Variants in TMEM123 observed in about 807,000 individuals in gnomAD.
TMEM123 encodes the protein transmembrane protein 123, also known as porimin.
TMEM123 carries 16 observed loss-of-function variants against 19.7 expected under a neutral mutation model. That is an observed-to-expected ratio of 0.81 (90% CI 0.55 to 1.23). TMEM123 has a LOEUF of 1.23. TMEM123 is among the 50% of genes most tolerant of loss of function. The probability of loss-of-function intolerance (pLI) is 0.00; values close to 1 mark genes in which losing one functional copy is unlikely to be tolerated. For synonymous variants in TMEM123, 118 were observed against 99.4 expected (o/e 1.19, Z -1.12); for missense variants, 313 against 257.8 (o/e 1.21, Z -1.47).
At chr11:102,443,097 A>AT (rs1290501205) in intron 2 of TMEM123, among the ~76,000 whole-genome samples, 1 of 152,054 alleles carries the variant, frequency 6.6e-6, no homozygotes, top group African/African-American at 2.4e-5. Flanking sequence ...GGAAGAATCA[A>AT]TATCGTGAAA....
intron 2 of TMEM123, among the ~76,000 whole-genome samples, chr11:102,420,492 A>C (rs1447962045): frequency 6.6e-6 from 1 of 152,174 alleles, no homozygotes; most frequent in Non-Finnish European, 1.5e-5. Flanking sequence ...TGTAATTTTC[A>C]TAACCCTAGG....
In TMEM123 at chr11:102,411,684, GA is replaced by G. The variant is rs796687491; in HGVS notation, c.158-9479del. On this transcript the variant is annotated intron_variant, in intron 2 of 4. Transcript: ENST00000398136. ...GATGTCTGAGAACTGGCAGAGGTGG[GA>G]AAAAAAAAAAACACACATCTGGTGT... Among the ~76,000 whole-genome samples, 383 of 142,500 alleles carry G rather than the reference GA, an allele frequency of 2.7e-3. 1 individual carries two copies. The highest frequency in any genetic ancestry group is 7.6e-3 in the African/African-American group (293 of 38,796). 93.5% of individuals were successfully genotyped at this position (142,500 alleles called of 152,430 possible).
At chr11:102,452,264 C>T (rs1380093773) in intron 1 of TMEM123, 2 of 371,138 alleles carry the variant, frequency 5.4e-6, no homozygotes, top group Admixed American at 9.1e-5. Flanking sequence ...TTATGCGCAC[C>T]CGTCCCGGCC....
rs1952113559 is a variant in TMEM123, at chr11:102,424,886, G to A, written c.158-22680C>T. Among the ~76,000 whole-genome samples, 3 of 152,168 alleles carry A rather than the reference G, an allele frequency of 2.0e-5. No homozygotes were observed. The South Asian group carries it at 6.2e-4, about 32-fold the overall frequency. On this transcript the variant is annotated intron_variant, in intron 2 of 4. Coordinates refer to ENST00000398136, the MANE Select transcript of TMEM123 (RefSeq NM_052932.3). ...TGTTCCCTCCAGAACACCCAATGCTGTACTGATTGCATGCTCACTGAGCAA... is the reference window on the plus strand; with the variant it reads ...TGTTCCCTCCAGAACACCCAATGCTATACTGATTGCATGCTCACTGAGCAA...
At chr11:102,424,525 A>G (rs1952110628) in intron 2 of TMEM123, among the ~76,000 whole-genome samples, 2 of 151,958 alleles carry the variant, frequency 1.3e-5, no homozygotes, top group South Asian at 4.1e-4. Flanking sequence ...CACATCTACT[A>G]AAAAATACAA....
chr11:102,421,703 A>G (rs1053046313), intron 2 of TMEM123, among the ~76,000 whole-genome samples: 1 of 152,214 alleles, frequency 6.6e-6, no homozygotes, highest in Non-Finnish European at 1.5e-5. Context: ...GCCAGTTACT[A>G]AAAACACATA....
intron 2 of TMEM123, among the ~76,000 whole-genome samples, chr11:102,405,197 C>T (rs1488282271): frequency 1.3e-5 from 2 of 151,856 alleles, no homozygotes; most frequent in African/African-American, 2.4e-5. Context: ...TACAGGCGCC[C>T]ACCACCACGC....
intron 2 of TMEM123, among the ~76,000 whole-genome samples, chr11:102,408,787 T>A (rs923249883): frequency 3.9e-5 from 6 of 152,192 alleles, no homozygotes; most frequent in African/African-American, 1.4e-4. Flanking sequence ...AACACACTAC[T>A]GGGATATTTT....
In TMEM123 at chr11:102,448,872, T is replaced by C. The variant is rs774742710; in HGVS notation, c.101-4A>G. The C allele has an allele frequency of 4.3e-6, 7 of 1,612,998 alleles. No homozygotes were observed. The Admixed American group carries it at 1.2e-4, about 27-fold the overall frequency. ...GAATTCTCTATGTTTGCAGATGCTGTAAAAATAAAGAAATATCCTGTTATG... is the reference window on the plus strand; with the variant it reads ...GAATTCTCTATGTTTGCAGATGCTGCAAAAATAAAGAAATATCCTGTTATG... On this transcript the variant is annotated splice_polypyrimidine_tract_variant and splice_region_variant and intron_variant, in intron 1 of 4. Coordinates refer to ENST00000398136, the MANE Select transcript of TMEM123 (RefSeq NM_052932.3).
rs1951859865 is a variant in TMEM123 at position 102,396,820 on chromosome 11, A to G, written c.*2047T>C. ...AAACCCAATGCAGAGGAAACTTTCA[A>G]GGCAAATGATGACTTAGTACTTAAA... On this transcript the variant is annotated 3_prime_UTR_variant, in exon 5 of 5. Transcript: ENST00000398136. The G allele has an allele frequency of 6.6e-6, 1 of 152,244 alleles. No homozygotes were observed. The highest frequency in any genetic ancestry group is 2.1e-4 in the South Asian group (1 of 4,838). The allele number at this position is 152,244 out of a possible 1,614,324, so 9.4% of individuals were successfully genotyped here.
chr11:102,404,343 G>A (rs1402331214), intron 2 of TMEM123, among the ~76,000 whole-genome samples: 1 of 152,152 alleles, frequency 6.6e-6, no homozygotes, highest in African/African-American at 2.4e-5. Context: ...GAGTGCAGTG[G>A]CATGATCTCG....
Position 102,396,769 on chromosome 11 carries a change from A to C in TMEM123, c.*2098T>G, listed in dbSNP as rs897808408. 6.6e-6 allele frequency: 1 copy of C among 152,232 alleles called. No homozygotes were observed. Among genetic ancestry groups the C allele is most frequent in the African/African-American group, 2.4e-5 (1 of 41,468 alleles). The allele number at this position is 152,232 out of a possible 1,614,324, so 9.4% of individuals were successfully genotyped here. A position where few individuals can be genotyped will look rare whatever the true frequency, so the allele number is the denominator to read the frequency against. On this transcript the variant is annotated 3_prime_UTR_variant, in exon 5 of 5. Transcript: ENST00000398136. ...AACAAATTATACTACTTACATACAGAGAAAAAGACATAACTAAACTACTTC... is the reference window on the plus strand; with the variant it reads ...AACAAATTATACTACTTACATACAGCGAAAAAGACATAACTAAACTACTTC...
At chr11:102,430,319 G>A (rs888175678) in intron 2 of TMEM123, among the ~76,000 whole-genome samples, 4 of 152,342 alleles carry the variant, frequency 2.6e-5, no homozygotes, top group Middle Eastern at 3.4e-3. Flanking sequence ...AACAAAAACA[G>A]CACTGGGTGC....
Position 102,402,071 on chromosome 11 carries a change from G to T in TMEM123, c.293C>A (p.Thr98Lys), listed in dbSNP as rs1222519631. 1 of 1,614,024 alleles carries T rather than the reference G, an allele frequency of 6.2e-7. No homozygotes were observed. Among genetic ancestry groups the T allele is most frequent in the Non-Finnish European group, 8.5e-7 (1 of 1,180,036 alleles). Residue 98 changes from threonine to lysine, a missense_variant, in exon 3 of 5, where the codon ACA (threonine) becomes AAA (lysine). Transcript: ENST00000398136. ...TMKPTAASNT[T>K]TPGMVSTNMT... ...ATTTGTTGAGACCATCCCTGGTGTT[G>T]TTGTATTAGATGCCGCTGTAGGTTT...
chr11:102,402,932 C>T (rs184239324), intron 2 of TMEM123, among the ~76,000 whole-genome samples: 1 of 152,316 alleles, frequency 6.6e-6, no homozygotes, highest in Admixed American at 6.5e-5. Flanking sequence ...TTTGCTCATA[C>T]CTGCAACTGA....
intron 2 of TMEM123, among the ~76,000 whole-genome samples, chr11:102,415,074 C>A (rs1389614782): frequency 2.6e-5 from 4 of 152,104 alleles, no homozygotes; most frequent in Non-Finnish European, 5.9e-5. Flanking sequence ...AAACCAATAA[C>A]AATCAAAAAG....
rs72978265 is a variant in TMEM123, at chr11:102,413,356, T to C, written c.158-11150A>G. 7.0e-3 allele frequency among the ~76,000 whole-genome samples: 1,070 copies of C among 152,180 alleles called. 4 individuals carry two copies. Among genetic ancestry groups the C allele is most frequent in the Non-Finnish European group, 0.011 (761 of 67,996 alleles). ...AGATGGTTCCTCTAGCTAGATAAGTTTAATTAAAAGTGCATGCACCACTGG... is the reference window on the plus strand; with the variant it reads ...AGATGGTTCCTCTAGCTAGATAAGTCTAATTAAAAGTGCATGCACCACTGG... On this transcript the variant is annotated intron_variant, in intron 2 of 4. Coordinates refer to ENST00000398136, the MANE Select transcript of TMEM123 (RefSeq NM_052932.3).
At chr11:102,446,598 C>T (rs1034201047) in intron 2 of TMEM123, among the ~76,000 whole-genome samples, 7 of 152,166 alleles carry the variant, frequency 4.6e-5, no homozygotes, top group African/African-American at 1.7e-4. Context: ...CAATTGAGTT[C>T]AACCAACCAA....
chr11:102,447,158 TTTC>T (rs1481258403), intron 2 of TMEM123, among the ~76,000 whole-genome samples: 1 of 152,088 alleles, frequency 6.6e-6, no homozygotes, highest in African/African-American at 2.4e-5. Context: ...AGGCAATGCT[TTTC>T]TTCTTTCTCA....
Sources: allele counts gnomAD v4.1 joint callset (sites outside exome capture counted in the v4.1 genomes callset), GRCh38; gene constraint gnomAD v4.1.1; transcripts MANE v1.5; gene names NCBI Gene and HGNC (gene_info 2026-07-23, HGNC 2026-07-21).